Variants in EMID1 observed in about 807,000 individuals in gnomAD.
EMID1 encodes the protein EMI domain-containing protein 1.
A neutral mutation model predicts 60.6 loss-of-function variants in EMID1; 40 were observed. The observed-to-expected ratio is 0.66, with a 90% CI of 0.51 to 0.86. The LOEUF (loss-of-function observed/expected upper bound fraction) is 0.86. Ranked by LOEUF, EMID1 falls within the 40% of genes least tolerant of loss-of-function variation. The pLI, the probability that EMID1 is intolerant of heterozygous loss-of-function variation, is 0.00. For synonymous variants in EMID1, 242 were observed against 231.0 expected, an observed-to-expected ratio of 1.05 and a Z score of -0.43; for missense variants, 585 against 597.1, an observed-to-expected ratio of 0.98 and a Z score of 0.21.
At position 29,259,091 on chromosome 22, in the gene EMID1, A is replaced by G; in HGVS notation, c.*147A>G. The G allele has an allele frequency of 2.5e-5, 32 of 1,255,990 alleles. No homozygotes were observed. The highest frequency in any genetic ancestry group is 3.5e-5 in the Non-Finnish European group (32 of 921,646). The allele number at this position is 1,255,990 out of a possible 1,614,324, so 77.8% of individuals were successfully genotyped here. The stretch of plus-strand genomic sequence containing the variant: ...TAGGCCTTAGGGGTAAGCAGGTCTC[A>G]GTCCTGGCACCATGCACATGTCTGA... On this transcript the variant is annotated 3_prime_UTR_variant, in exon 15 of 15. Coordinates refer to ENST00000334018, the MANE Select transcript of EMID1 (RefSeq NM_133455.4).
At chr22:29,227,001 A>T (rs1203978874) in intron 5 of EMID1, among the ~76,000 whole-genome samples, 1 of 77,678 alleles carries the variant, frequency 1.3e-5, no homozygotes, top group African/African-American at 4.7e-5. Flanking sequence ...CTATCCCCCC[A>T]ACCCCCATCC....
intron 1 of EMID1, among the ~76,000 whole-genome samples, chr22:29,206,625 C>T (rs2039667240): frequency 6.6e-6 from 1 of 152,128 alleles, no homozygotes; most frequent in Non-Finnish European, 1.5e-5. Flanking sequence ...GGGTCAGTGT[C>T]GGAGATACCC....
intron 13 of EMID1, among the ~76,000 whole-genome samples, chr22:29,251,329 AC>A (rs1435890000): frequency 1.3e-5 from 2 of 149,508 alleles, no homozygotes; most frequent in Non-Finnish European, 3.0e-5. Context: ...CAGTCCACCC[AC>A]CTCAGCCTCC....
chr22:29,212,853 CTG>C (rs2039943548), intron 1 of EMID1, among the ~76,000 whole-genome samples: 1 of 152,220 alleles, frequency 6.6e-6, no homozygotes, highest in South Asian at 2.1e-4. Flanking sequence ...GCATGAGCCA[CTG>C]TGCCCAGCCT....
intron 3 of EMID1, among the ~76,000 whole-genome samples, chr22:29,223,225 G>A (rs1484414921): frequency 2.0e-5 from 3 of 152,258 alleles, no homozygotes; most frequent in Non-Finnish European, 2.9e-5. Context: ...CCAGATGACA[G>A]GCAGTGGCCT....
At chr22:29,249,587 A>ATTTATTATTTAT (rs1267032933) in intron 13 of EMID1, among the ~76,000 whole-genome samples, 2,108 of 139,528 alleles carry the variant, frequency 0.015, 54 homozygotes, top group African/African-American at 0.05. Context: ...AAATACCTTT[A>ATTTATTATTTAT]TTATTTATTT....
intron 3 of EMID1, among the ~76,000 whole-genome samples, chr22:29,219,866 C>T (rs2146191148): frequency 6.6e-6 from 1 of 152,198 alleles, no homozygotes; most frequent in East Asian, 1.9e-4. Flanking sequence ...CTTCTACCAT[C>T]CAGGGCTGGG....
chr22:29,231,645 C>G lies in EMID1; in HGVS notation c.639C>G (p.Ala213=). The part of the protein sequence containing the change: ...LPGPTGPKGD[A]GSRGPMGMRG... ...GGCCCACCGGCCCCAAGGGAGATGC[C>G]GGCAGTCGGGGCCCAATGGGGATGA... The change falls in exon 7 of 15, where the codon GCC becomes GCG. Residue 213 remains alanine, a synonymous_variant. Coordinates refer to ENST00000334018, the MANE Select transcript of EMID1 (RefSeq NM_133455.4). 1 of 1,487,320 alleles carries G rather than the reference C, an allele frequency of 6.7e-7. No homozygotes were observed. Among genetic ancestry groups the G allele is most frequent in the African/African-American group, 1.4e-5 (1 of 71,588 alleles). The allele number at this position is 1,487,320 out of a possible 1,614,324, so 92.1% of individuals were successfully genotyped here. A position where few individuals can be genotyped will look rare whatever the true frequency, so the allele number is the denominator to read the frequency against.
intron 6 of EMID1, chr22:29,231,349 G>A (rs546500993): frequency 2.3e-6 from 2 of 868,516 alleles, no homozygotes; most frequent in Non-Finnish European, 3.6e-6. Context: ...AGCAGCCCCA[G>A]CAGACCCTGC....
chr22:29,222,464 G>A (rs1397637320), intron 3 of EMID1, among the ~76,000 whole-genome samples: 1 of 142,586 alleles, frequency 7.0e-6, no homozygotes, highest in East Asian at 2.1e-4. Context: ...GAGTGCAGTG[G>A]TGCAATTTCA....
chr22:29,223,604 A>C (rs61041761), intron 3 of EMID1, among the ~76,000 whole-genome samples: 6,738 of 152,306 alleles, frequency 0.044, 169 homozygotes, highest in East Asian at 0.11. Flanking sequence ...CCTGTGTTCA[A>C]ATCCAGGCTT....
At chr22:29,256,657 G>C (rs926624405) in intron 14 of EMID1, among the ~76,000 whole-genome samples, 1 of 152,000 alleles carries the variant, frequency 6.6e-6, no homozygotes, top group Admixed American at 6.6e-5. Context: ...GCAGGGAATC[G>C]TATCTACGGA....
intron 3 of EMID1, among the ~76,000 whole-genome samples, chr22:29,222,228 G>A (rs541216124): frequency 2.2e-4 from 34 of 152,010 alleles, no homozygotes; most frequent in South Asian, 4.2e-4. Flanking sequence ...CAAGTAGCTG[G>A]GACTACAGGC....
At position 29,210,021 on chromosome 22, in the gene EMID1, C is replaced by T. The variant is rs1378104187; in HGVS notation, c.101+3882C>T. 2.0e-5 allele frequency among the ~76,000 whole-genome samples: 3 copies of T among 151,616 alleles called. No homozygotes were observed. In the East Asian group the frequency reaches 5.8e-4, roughly 29 times the overall value. On this transcript the variant is annotated intron_variant, in intron 1 of 14. Transcript: ENST00000334018. ...CAGGCTGGGACCCTGTGGAGGAGCT[C>T]GGGCTGATGCTAGGAGTCCTGGGGC...
At chr22:29,224,115 C>T (rs1388772778) in intron 3 of EMID1, among the ~76,000 whole-genome samples, 4 of 152,348 alleles carry the variant, frequency 2.6e-5, no homozygotes, top group South Asian at 2.1e-4. Flanking sequence ...AGGCTCAGCA[C>T]GAGTGAAGGC....
rs915607391 is a variant in EMID1 at position 29,233,443 on chromosome 22, GCCTCCAGGC to G, written c.897_905del (p.Pro301_Pro303del). On this transcript the variant is annotated inframe_deletion, in exon 9 of 15. Transcript: ENST00000334018. ...ACCACTGGCCCCAGGGACCCACTGG[GCCTCCAGGC>G]CCTCCAGGGCCCATGGGTAAGTTGA... The G allele has an allele frequency of 2.5e-6, 4 of 1,614,164 alleles. No homozygotes were observed. Among genetic ancestry groups the G allele is most frequent in the East Asian group, 2.2e-5 (1 of 44,886 alleles).
At chr22:29,217,319 G>C (rs1314081902) in intron 3 of EMID1, among the ~76,000 whole-genome samples, 1 of 152,242 alleles carries the variant, frequency 6.6e-6, no homozygotes, top group African/African-American at 2.4e-5. Context: ...GCTAAGGCAG[G>C]GGCATGAGCC....
chr22:29,239,235 CT>C (rs941984726), intron 12 of EMID1, among the ~76,000 whole-genome samples: 1 of 144,274 alleles, frequency 6.9e-6, no homozygotes, highest in Non-Finnish European at 1.5e-5. Context: ...TGTTACAGTG[CT>C]TTTTATATCT....
Position 29,216,385 on chromosome 22 carries a change from G to A in EMID1, c.319+755G>A, listed in dbSNP as rs952401105. The A allele has an allele frequency of 2.3e-5, 23 of 985,338 alleles. No homozygotes were observed. In the Admixed American group the frequency reaches 1.4e-3, roughly 58 times the overall value. 61.0% of individuals were successfully genotyped at this position (985,338 alleles called of 1,614,324 possible). A position where few individuals can be genotyped will look rare whatever the true frequency, so the allele number is the denominator to read the frequency against. On this transcript the variant is annotated intron_variant, in intron 3 of 14. Coordinates refer to ENST00000334018, the MANE Select transcript of EMID1 (RefSeq NM_133455.4). ...ATCCTCACTGCCTGGCTGAACCCAT[G>A]AGCAGCAGATTTTTGGACACCAAGA...
Sources: allele counts gnomAD v4.1 joint callset (sites outside exome capture counted in the v4.1 genomes callset), GRCh38; gene constraint gnomAD v4.1.1; transcripts MANE v1.5; gene names NCBI Gene and HGNC (gene_info 2026-07-23, HGNC 2026-07-21).